MFN2: variants seen among roughly 807,000 people sequenced by gnomAD.
MFN2 encodes the protein mitofusin-2.
In MFN2, 43 loss-of-function variants were observed where a neutral mutation model predicts 87.5. That is an observed-to-expected ratio of 0.49 (90% confidence interval 0.38 to 0.63). The LOEUF (loss-of-function observed/expected upper bound fraction) is 0.63, where lower values mean the gene tolerates loss of function less well. Among genes scored for constraint, MFN2 ranks in the 30% least tolerant of loss-of-function variants. The probability of loss-of-function intolerance (pLI) is 0.00; values close to 1 mark genes in which losing one functional copy is unlikely to be tolerated. For synonymous variants in MFN2, 337 were observed against 359.9 expected (o/e 0.94, Z 0.72); for missense variants, 743 against 972.8 (o/e 0.76, Z 3.14).
chr1:12,005,779 T>G lies in MFN2; in HGVS notation c.1564T>G (p.Phe522Val), dbSNP rs747397065. ...AGACATGCTGGTCCCACGCCAGTGC[T>G]TCTCCCTCAACTATGACCTAAACTG... ...QIDMLVPRQC[F>V]SLNYDLNCDK... is the part of the protein sequence containing the mutation. Residue 522 changes from phenylalanine (F) to valine (V), a missense_variant, in exon 15 of 19, where the codon TTC becomes GTC. This residue lies in a region of MFN2 where 571 missense variants were observed against 670.7 expected (regional missense o/e 0.85). Transcript: ENST00000235329. 6 of 1,614,222 alleles carry G rather than the reference T, an allele frequency of 3.7e-6. No homozygotes were observed. The highest frequency in any genetic ancestry group is 5.1e-6 in the Non-Finnish European group (6 of 1,180,032).
At chr1:12,005,153 C>T (rs1266350266) in intron 14 of MFN2, among the ~76,000 whole-genome samples, 1 of 152,188 alleles carries the variant, frequency 6.6e-6, no homozygotes, top group Non-Finnish European at 1.5e-5. Flanking sequence ...ATGATCTTGG[C>T]TCACTGCAAC....
chr1:12,005,011 C>CT, intron 14 of MFN2, 84 bp downstream of exon 14: 1 of 1,031,360 alleles, frequency 9.7e-7, no homozygotes, highest in South Asian at 1.4e-5. Flanking sequence ...GAAATCAGGA[C>CT]TTTCCTTATC....
At position 11,988,854 on chromosome 1, in the gene MFN2, T is replaced by C. The variant is rs561335561; in HGVS notation, c.-4-311T>C. Among the ~76,000 whole-genome samples, 6 of 152,050 alleles carry C rather than the reference T, an allele frequency of 3.9e-5. No individual in the cohort carries two copies. In the South Asian group the frequency reaches 1.2e-3, roughly 32 times the overall value. On this transcript the variant is annotated intron_variant, in intron 2 of 18. Transcript: ENST00000235329. ...TAGCTGGGATTACAGGTGTGTGCCA[T>C]TGGGTCTGGCTAATTACTGTATTTT...
At chr1:11,999,294 T>C (rs1423221302) in intron 8 of MFN2, among the ~76,000 whole-genome samples, 199 bp downstream of exon 8, 2 of 152,126 alleles carry the variant, frequency 1.3e-5, no homozygotes, top group Non-Finnish European at 2.9e-5. Context: ...GCACCCCCTC[T>C]TCAAGCCACT....
At chr1:11,999,746 G>C (rs1206455576) in intron 8 of MFN2, among the ~76,000 whole-genome samples, 3 of 152,054 alleles carry the variant, frequency 2.0e-5, no homozygotes, top group Admixed American at 1.3e-4. Flanking sequence ...AGGATCCCTT[G>C]AGAGTAGGAA....
rs763861738 is a variant in MFN2, at chr1:12,006,542, A to G, written c.1721A>G (p.Gln574Arg). The stretch of plus-strand genomic sequence containing the variant: ...CTCTCATGTTTCTCTCCTCAGGTCC[A>G]GCGTCCCATCCCTCTGACGCCAGCC... ...RALMGYNDQV[Q>R]RPIPLTPANP... The change falls in exon 16 of 19, where the codon CAG becomes CGG. Residue 574 changes from glutamine to arginine, a missense_variant. Transcript: ENST00000235329. The G allele has an allele frequency of 1.2e-6, 2 of 1,614,152 alleles. No individual in the cohort carries two copies. Among genetic ancestry groups the G allele is most frequent in the Non-Finnish European group, 1.7e-6 (2 of 1,180,030 alleles).
chr1:11,993,991 G>C (rs1235010581), intron 4 of MFN2, among the ~76,000 whole-genome samples: 2 of 152,122 alleles, frequency 1.3e-5, no homozygotes, highest in African/African-American at 4.8e-5. Context: ...TCACAACTTT[G>C]TTTAAAGGAA....
intron 2 of MFN2, among the ~76,000 whole-genome samples, chr1:11,986,665 A>G (rs1218883210): frequency 1.4e-5 from 2 of 145,024 alleles, no homozygotes; most frequent in Non-Finnish European, 3.0e-5. Flanking sequence ...ATCTTAGCTC[A>G]CTGCAACTTC....
Position 12,001,310 on chromosome 1 carries a change from G to T in MFN2, c.817-91G>T. 4 of 1,542,272 alleles carry T rather than the reference G, an allele frequency of 2.6e-6. No homozygotes were observed. The Admixed American group carries it at 7.4e-5, about 29-fold the overall frequency. Reference sequence around the variant, plus strand: ...TTACAGGCGTCAGCCACCATGCCCAGCCTCTTATGACCTATTCTTTTAATA... The same window carrying T: ...TTACAGGCGTCAGCCACCATGCCCATCCTCTTATGACCTATTCTTTTAATA... On this transcript the variant is annotated intron_variant, in intron 8 of 18. Coordinates refer to ENST00000235329, the MANE Select transcript of MFN2 (RefSeq NM_014874.4).
At chr1:11,990,328 CTTG>C (rs1638622110) in intron 3 of MFN2, among the ~76,000 whole-genome samples, 1 of 152,230 alleles carries the variant, frequency 6.6e-6, no homozygotes, top group South Asian at 2.1e-4. Flanking sequence ...TTCCTAAATA[CTTG>C]TTGAACTAAA....
chr1:12,000,032 G>C (rs1639102985), intron 8 of MFN2, among the ~76,000 whole-genome samples: 1 of 151,848 alleles, frequency 6.6e-6, no homozygotes, highest in South Asian at 2.1e-4. Flanking sequence ...GGGAGGTGGA[G>C]CTTGCAGTGA....
chr1:11,991,651 G>A (rs143149865), intron 3 of MFN2, among the ~76,000 whole-genome samples: 8,573 of 152,222 alleles, frequency 0.056, 324 homozygotes, highest in South Asian at 0.14. Flanking sequence ...GAGGCCGGGC[G>A]CGGTGGCTCA....
Position 12,009,739 on chromosome 1 carries a change from C to G in MFN2, c.2204+13C>G. ...CAAAGCTGCTCAGGTGAGGCTGGCC[C>G]GTGTGGCCAAAGGTTAGGGCTCCAG... On this transcript the variant is annotated intron_variant, in intron 18 of 18. Transcript: ENST00000235329. 6.2e-7 allele frequency: 1 copy of G among 1,614,116 alleles called. No individual in the cohort carries two copies. The highest frequency in any genetic ancestry group is 8.5e-7 in the Non-Finnish European group (1 of 1,180,008).
In MFN2 at chr1:11,998,890, T is replaced by G; in HGVS notation, c.708+12T>G. The G allele has an allele frequency of 1.2e-6, 2 of 1,613,962 alleles. No individual in the cohort carries two copies. The highest frequency in any genetic ancestry group is 1.7e-6 in the Non-Finnish European group (2 of 1,179,796). On this transcript the variant is annotated intron_variant, in intron 7 of 18. Coordinates refer to ENST00000235329, the MANE Select transcript of MFN2 (RefSeq NM_014874.4). The stretch of plus-strand genomic sequence containing the variant: ...CCCTGATGCAGACGGTAACTCCTCC[T>G]CTGCCTTCTCCCAAGCTCCCAGCAC...
chr1:12,009,562 C>T (rs1200294567), intron 17 of MFN2, 30 bp from the exon 18 acceptor site: 1 of 1,614,082 alleles, frequency 6.2e-7, no homozygotes, highest in Admixed American at 1.7e-5. Flanking sequence ...TCCACACACC[C>T]CAACTGGGTC....
chr1:12,004,570 T>C lies in MFN2; in HGVS notation c.1349T>C (p.Met450Thr). 6.2e-7 allele frequency: 1 copy of C among 1,614,196 alleles called. No homozygotes were observed. Among genetic ancestry groups the C allele is most frequent in the South Asian group, 1.1e-5 (1 of 91,086 alleles). ...RLSVLVDDYQ[M>T]DFHPSPVVLK... Reference sequence around the variant, plus strand: ...TCTGTACTGGTGGACGATTACCAGATGGACTTCCACCCTTCTCCAGTAGTC... The same window carrying C: ...TCTGTACTGGTGGACGATTACCAGACGGACTTCCACCCTTCTCCAGTAGTC... The change falls in exon 13 of 19, where the codon ATG (methionine) becomes ACG (threonine). Residue 450 changes from methionine (M) to threonine (T), a missense_variant. This residue lies in a region of MFN2 where 571 missense variants were observed against 670.7 expected (regional missense o/e 0.85). Transcript: ENST00000235329. This position sits in a 1 kb window ranked among gnomAD's most constrained non-coding sequence, Gnocchi z 4.2.
In MFN2 at chr1:12,004,326, G is replaced by A. The variant is rs1055335287; in HGVS notation, c.1288-183G>A. 1.8e-4 allele frequency among the ~76,000 whole-genome samples: 28 copies of A among 152,176 alleles called. No homozygotes were observed. The highest frequency in any genetic ancestry group is 6.8e-4 in the African/African-American group (28 of 41,424). ...TTTCCTCTGGACCTCCACAGATCAT[G>A]TGGGCGTTTGATCAGCCAGTTTCCC... On this transcript the variant is annotated intron_variant, in intron 12 of 18. Coordinates refer to ENST00000235329, the MANE Select transcript of MFN2 (RefSeq NM_014874.4). The surrounding 1 kb of genome is among the most constrained non-coding windows in gnomAD (Gnocchi z 4.2).
chr1:11,997,212 C>T (rs1638950507), intron 5 of MFN2, 85 bp from the exon 6 acceptor site: 5 of 1,597,468 alleles, frequency 3.1e-6, no homozygotes, highest in Non-Finnish European at 4.3e-6. Flanking sequence ...CATTCCCAGC[C>T]ACTGTGCTGT....
Position 12,004,756 on chromosome 1 carries a change from C to T in MFN2, c.1393-69C>T. On this transcript the variant is annotated intron_variant, in intron 13 of 18. Transcript: ENST00000235329. The surrounding 1 kb of genome is among the most constrained non-coding windows in gnomAD (Gnocchi z 4.2). ...GGCTTCCGTCAGCCTTCTGGGGTCACCTGGTGGATGTGGCCTGAAGGGAAT... is the reference window on the plus strand; with the variant it reads ...GGCTTCCGTCAGCCTTCTGGGGTCATCTGGTGGATGTGGCCTGAAGGGAAT... The T allele has an allele frequency of 1.3e-6, 2 of 1,537,456 alleles. No individual in the cohort carries two copies. Among genetic ancestry groups the T allele is most frequent in the East Asian group, 2.3e-5 (1 of 44,188 alleles).
Sources: allele counts gnomAD v4.1 joint callset (sites outside exome capture counted in the v4.1 genomes callset), GRCh38; gene constraint gnomAD v4.1.1; regional missense constraint gnomAD v4.1.1; non-coding constraint Gnocchi (gnomAD v3.1); transcripts MANE v1.5; gene names NCBI Gene and HGNC (gene_info 2026-07-23, HGNC 2026-07-21).